The following PDE4D variants were observed in gnomAD, a reference collection of about 807,000 sequenced individuals.
The protein encoded by PDE4D is 3',5'-cyclic-AMP phosphodiesterase 4D.
PDE4D carries 24 observed loss-of-function variants against 87.4 expected under a neutral mutation model. That is an observed-to-expected ratio of 0.27 (90% confidence interval 0.20 to 0.39). The LOEUF (loss-of-function observed/expected upper bound fraction) is 0.39. Among genes scored for constraint, PDE4D ranks in the 10% least tolerant of loss-of-function variants. The pLI is 1.00. For synonymous variants in PDE4D, 384 were observed against 383.2 expected (o/e 1.00, Z -0.02); for missense variants, 714 against 1,041.0 (o/e 0.69, Z 4.32).
At chr5:59,511,493 T>C (rs1043663947) in intron 1 of PDE4D, among the ~76,000 whole-genome samples, 11 of 151,996 alleles carry the variant, frequency 7.2e-5, no homozygotes, top group Non-Finnish European at 1.5e-4. Context: ...TTTCTATATA[T>C]AATTAGGAAC....
At chr5:59,510,459 T>C (rs959453293) in intron 1 of PDE4D, among the ~76,000 whole-genome samples, 2 of 149,440 alleles carry the variant, frequency 1.3e-5, no homozygotes, top group Non-Finnish European at 3.0e-5. Flanking sequence ...GATACAGAAA[T>C]AGAGGAAAAG....
intron 3 of PDE4D, among the ~76,000 whole-genome samples, chr5:59,982,876 A>G (rs1024601912): frequency 6.6e-6 from 1 of 152,126 alleles, no homozygotes; most frequent in African/African-American, 2.4e-5. Flanking sequence ...AACAACAAAC[A>G]TTATTTGTTC....
Position 59,574,005 on chromosome 5 carries a change from A to AAT in PDE4D, c.455+319161_455+319162dup, listed in dbSNP as rs1240300945. ...AAAGGGAGACTCTGTCTCAAAAAAA[A>AAT]ATATATATATATATATATATATAAA... On this transcript the variant is annotated intron_variant, in intron 1 of 14. Transcript: ENST00000340635. Among the ~76,000 whole-genome samples the AAT allele has an allele frequency of 4.9e-3, 584 of 119,636 alleles. 7 individuals carry two copies. The highest frequency in any genetic ancestry group is 0.011 in the Middle Eastern group (3 of 264). The allele number at this position is 119,636 out of a possible 152,430, so 78.5% of individuals were successfully genotyped here.
intron 3 of PDE4D, among the ~76,000 whole-genome samples, chr5:59,974,894 C>T (rs1386442953): frequency 1.3e-5 from 2 of 152,102 alleles, no homozygotes; most frequent in African/African-American, 2.4e-5. Context: ...TCACTTCATC[C>T]TCAGCCTTGC....
intron 1 of PDE4D, among the ~76,000 whole-genome samples, chr5:60,413,992 G>C (rs1231075569): frequency 2.6e-5 from 4 of 152,210 alleles, no homozygotes; most frequent in African/African-American, 9.6e-5. Flanking sequence ...ACAATTAATT[G>C]CATGCACTTC....
chr5:60,211,529 A>C (rs1743223216), intron 1 of PDE4D, among the ~76,000 whole-genome samples: 1 of 149,146 alleles, frequency 6.7e-6, no homozygotes, highest in East Asian at 2.0e-4. Context: ...TATATATACA[A>C]ATGTTTATTT....
chr5:59,484,853 T>C (rs1804841374), intron 1 of PDE4D, among the ~76,000 whole-genome samples: 1 of 152,030 alleles, frequency 6.6e-6, no homozygotes, highest in Non-Finnish European at 1.5e-5. Flanking sequence ...GTAATGTGGG[T>C]CAACTCTGAA....
chr5:60,319,544 G>A (rs1368975047), intron 1 of PDE4D, among the ~76,000 whole-genome samples: 2 of 152,188 alleles, frequency 1.3e-5, no homozygotes, highest in African/African-American at 4.8e-5. Flanking sequence ...GCGTTCCTTT[G>A]GAGAAGGAGA....
At position 58,988,542 on chromosome 5, in the gene PDE4D, T is replaced by C. The variant is rs1246619120; in HGVS notation, c.1503A>G (p.Ile501Met). ...EILAAIFASAIHDVDHPGVSN... is the reference protein window; with the variant it reads ...EILAAIFASAMHDVDHPGVSN... The stretch of plus-strand genomic sequence containing the variant: ...ACACACCAGGATGATCTACATCATG[T>C]ATTGCACTGGCAAAAATTGCTGCAA... The change falls in exon 11 of 15, where the codon ATA becomes ATG. Residue 501 changes from isoleucine (I) to methionine (M), a missense_variant. Transcript: ENST00000340635. 27 of 1,508,812 alleles carry C rather than the reference T, an allele frequency of 1.8e-5. No individual in the cohort carries two copies. Among genetic ancestry groups the C allele is most frequent in the Non-Finnish European group, 2.4e-5 (27 of 1,121,482 alleles). 93.5% of individuals were successfully genotyped at this position (1,508,812 alleles called of 1,614,324 possible).
At chr5:59,923,121 G>C (rs1754853832) in intron 3 of PDE4D, among the ~76,000 whole-genome samples, 1 of 152,156 alleles carries the variant, frequency 6.6e-6, no homozygotes, top group South Asian at 2.1e-4. Context: ...AGTCTCCTCT[G>C]CTTTTAGAAA....
At chr5:59,895,600 G>T (rs1751548609), upstream of PDE4D, among the ~76,000 whole-genome samples, 1 of 152,224 alleles carries the variant, frequency 6.6e-6, no homozygotes, top group Admixed American at 6.5e-5. Flanking sequence ...CACAAAAGGA[G>T]AGAAATGGAA....
chr5:60,491,570 A>T (rs1183137195), upstream of PDE4D: 1 of 152,254 alleles, frequency 6.6e-6, no homozygotes, highest in East Asian at 1.9e-4. Flanking sequence ...CTAGGTAATG[A>T]GACCTGAACA....
intron 1 of PDE4D, among the ~76,000 whole-genome samples, chr5:59,439,195 C>G (rs1272758872): frequency 2.6e-5 from 4 of 151,918 alleles, no homozygotes; most frequent in Non-Finnish European, 5.9e-5. Flanking sequence ...CTCGTCTCTA[C>G]CAAAAATACA....
intron 6 of PDE4D, among the ~76,000 whole-genome samples, chr5:59,032,520 A>C (rs1757748894): frequency 6.6e-6 from 1 of 152,214 alleles, no homozygotes; most frequent in Non-Finnish European, 1.5e-5. Flanking sequence ...CGGAGGTTGC[A>C]GTGAGCTGAG....
At chr5:60,429,228 G>A (rs1743981396) in intron 1 of PDE4D, among the ~76,000 whole-genome samples, 1 of 152,140 alleles carries the variant, frequency 6.6e-6, no homozygotes, top group South Asian at 2.1e-4. Flanking sequence ...CACTTCACTG[G>A]TTAGCTATAT....
chr5:59,736,571 C>T (rs1758098088), intron 1 of PDE4D, among the ~76,000 whole-genome samples: 1 of 151,618 alleles, frequency 6.6e-6, no homozygotes, highest in Admixed American at 6.6e-5. Context: ...CCTAGGTACT[C>T]GGAAGGCTGA....
intron 1 of PDE4D, among the ~76,000 whole-genome samples, chr5:60,274,860 T>C (rs531289025): frequency 6.6e-6 from 1 of 152,368 alleles, no homozygotes; most frequent in South Asian, 2.1e-4. Context: ...AGATGTCCTA[T>C]GGACCCTTGT....
At chr5:59,578,022 G>A (rs147900114) in intron 1 of PDE4D, among the ~76,000 whole-genome samples, 11 of 152,142 alleles carry the variant, frequency 7.2e-5, no homozygotes, top group African/African-American at 1.7e-4. Flanking sequence ...GCTTCATAGC[G>A]GTTTTGAAGA....
At position 58,991,867 on chromosome 5, in the gene PDE4D, C is replaced by T; in HGVS notation, c.1153G>A (p.Gly385Arg). The T allele has an allele frequency of 1.3e-6, 2 of 1,557,020 alleles. No individual in the cohort carries two copies. Among genetic ancestry groups the T allele is most frequent in the Non-Finnish European group, 1.7e-6 (2 of 1,154,338 alleles). Residue 385 changes from glycine to arginine, a missense_variant, in exon 8 of 15, where the codon GGA (glycine) becomes AGA (arginine). Gly to Arg is a moderately radical substitution (Grantham distance 125, BLOSUM62 -2). Coordinates refer to ENST00000340635, the MANE Select transcript of PDE4D (RefSeq NM_001104631.2). ...SLTNSSIPRF[G>R]VKTEQEDVLA... ...ACATCTTCTTGTTCAGTTTTAACTCCAAACCTTGGGATACTTGAATTAGTC... is the reference window on the plus strand; with the variant it reads ...ACATCTTCTTGTTCAGTTTTAACTCTAAACCTTGGGATACTTGAATTAGTC...
Sources: allele counts gnomAD v4.1 joint callset (sites outside exome capture counted in the v4.1 genomes callset), GRCh38; gene constraint gnomAD v4.1.1; transcripts MANE v1.5; gene names NCBI Gene and HGNC (gene_info 2026-07-23, HGNC 2026-07-21).